Variants in PIK3C2G observed in about 807,000 individuals in gnomAD.
PIK3C2G encodes phosphatidylinositol-4-phosphate 3-kinase catalytic subunit type 2 gamma, also known as phosphatidylinositol 3-kinase C2 domain-containing subunit gamma.
PIK3C2G carries 168 observed loss-of-function variants against 181.1 expected under a neutral mutation model. That is an observed-to-expected ratio of 0.93 (90% CI 0.82 to 1.05). The LOEUF (loss-of-function observed/expected upper bound fraction) is 1.05. PIK3C2G is among the 50% of genes least tolerant of loss of function. PIK3C2G has a pLI of 0.00. For synonymous variants in PIK3C2G, 573 were observed against 592.2 expected (o/e 0.97, Z 0.47); for missense variants, 1,869 against 1,732.8 (o/e 1.08, Z -1.40).
At chr12:18,325,706 CAA>C (rs34711642) in intron 8 of PIK3C2G, among the ~76,000 whole-genome samples, 6 of 61,588 alleles carry the variant, frequency 9.7e-5, no homozygotes, top group Non-Finnish European at 1.8e-4. Context: ...GACTCAGTCT[CAA>C]AAAAAAAAAA....
intron 18 of PIK3C2G, 51 bp downstream of exon 18, chr12:18,424,090 T>A: frequency 9.8e-7 from 1 of 1,025,060 alleles, no homozygotes; most frequent in Non-Finnish European, 1.5e-6. Context: ...CCACCTTCTC[T>A]ATGGGGCAGC....
intron 5 of PIK3C2G, among the ~76,000 whole-genome samples, chr12:18,308,286 T>C (rs1950502202): frequency 1.3e-5 from 2 of 151,848 alleles, no homozygotes; most frequent in Admixed American, 1.3e-4. Context: ...TATTATATTA[T>C]GAAAATAATT....
chr12:18,451,854 T>C (rs527426942), intron 18 of PIK3C2G, among the ~76,000 whole-genome samples: 55 of 152,308 alleles, frequency 3.6e-4, no homozygotes, highest in African/African-American at 1.3e-3. Context: ...ATTGGCTCTG[T>C]TTATGTGATG....
At chr12:18,362,341 C>T (rs574095481) in intron 11 of PIK3C2G, among the ~76,000 whole-genome samples, 29 of 152,204 alleles carry the variant, frequency 1.9e-4, no homozygotes, top group Middle Eastern at 6.8e-3. Context: ...TGTACGTCCC[C>T]GTGTTCTCTT....
At chr12:18,638,849 G>T (rs1435208569) in intron 31 of PIK3C2G, among the ~76,000 whole-genome samples, 1 of 150,596 alleles carries the variant, frequency 6.6e-6, no homozygotes, top group Non-Finnish European at 1.5e-5. Flanking sequence ...CCACTAAGTT[G>T]CAGTATCTAG....
intron 21 of PIK3C2G, among the ~76,000 whole-genome samples, chr12:18,497,197 T>G (rs970072339): frequency 6.6e-6 from 1 of 152,208 alleles, no homozygotes; most frequent in Non-Finnish European, 1.5e-5. Flanking sequence ...GCTCTTGGTA[T>G]TCTAACTGCA....
chr12:18,250,520 T>G (rs1194138661), intron 1 of PIK3C2G, among the ~76,000 whole-genome samples: 1 of 152,082 alleles, frequency 6.6e-6, no homozygotes, highest in Non-Finnish European at 1.5e-5. Context: ...CGCTGTAGAA[T>G]AGTTAAAAAC....
At chr12:18,555,240 G>T (rs114872069) in intron 26 of PIK3C2G, among the ~76,000 whole-genome samples, 6,810 of 152,174 alleles carry the variant, frequency 0.045, 341 homozygotes, top group African/African-American at 0.13. Context: ...TAAGAACCTT[G>T]GTTCAACTGC....
intron 18 of PIK3C2G, among the ~76,000 whole-genome samples, chr12:18,472,712 T>G (rs540992915): frequency 1.3e-5 from 2 of 152,222 alleles, no homozygotes; most frequent in East Asian, 3.9e-4. Flanking sequence ...TTATTATTAT[T>G]ATTTGGAGAC....
intron 30 of PIK3C2G, among the ~76,000 whole-genome samples, chr12:18,604,739 G>A (rs1009823471): frequency 6.6e-6 from 1 of 152,030 alleles, no homozygotes; most frequent in African/African-American, 2.4e-5. Flanking sequence ...AACTCCAAAA[G>A]GAACCTTCAA....
rs199719083 is a variant in PIK3C2G at position 18,642,851 on chromosome 12, C to CAT, written c.4308+2307_4308+2308dup. ...AAAATGTAAATACATGTATATACTG[C>CAT]ATATATATATAGAGAGAGAGAGATT... On this transcript the variant is annotated intron_variant, in intron 32 of 32. Transcript: ENST00000538779. Among the ~76,000 whole-genome samples, 28 of 143,242 alleles carry CAT rather than the reference C, an allele frequency of 2.0e-4. 1 individual carries two copies. The highest frequency in any genetic ancestry group is 3.4e-4 in the African/African-American group (13 of 38,622). 94.0% of individuals were successfully genotyped at this position (143,242 alleles called of 152,430 possible). A position where few individuals can be genotyped will look rare whatever the true frequency, so the allele number is the denominator to read the frequency against.
chr12:18,722,397 T>C, the PIK3C2G span, among the ~76,000 whole-genome samples: 1 of 152,072 alleles, frequency 6.6e-6, no homozygotes, highest in Admixed American at 6.6e-5. Flanking sequence ...TTTGAATAAA[T>C]TATGAATGTA....
At chr12:18,289,316 A>T (rs1334401049) in intron 3 of PIK3C2G, among the ~76,000 whole-genome samples, 3 of 152,340 alleles carry the variant, frequency 2.0e-5, no homozygotes, top group African/African-American at 7.2e-5. Context: ...ATGCCATAAC[A>T]TATGAAAGAA....
intron 30 of PIK3C2G, among the ~76,000 whole-genome samples, chr12:18,597,153 A>ATCTACTC (rs1947409318): frequency 6.6e-6 from 1 of 152,106 alleles, no homozygotes; most frequent in Non-Finnish European, 1.5e-5. Context: ...CAATAAAAAA[A>ATCTACTC]TCTATATCTG....
chr12:18,641,965 G>T (rs555574299), intron 32 of PIK3C2G, among the ~76,000 whole-genome samples: 8 of 152,066 alleles, frequency 5.3e-5, no homozygotes, highest in Non-Finnish European at 1.2e-4. Flanking sequence ...GGTCAGGCTG[G>T]TCTCAAACTC....
intron 25 of PIK3C2G, among the ~76,000 whole-genome samples, chr12:18,542,587 G>A (rs116461913): frequency 0.013 from 1,938 of 151,800 alleles, 34 homozygotes; most frequent in African/African-American, 0.044. Context: ...AGATCCCAGT[G>A]CCTGTTGTTT....
chr12:18,645,290 AG>A (rs1950060279), intron 32 of PIK3C2G, among the ~76,000 whole-genome samples: 1 of 147,036 alleles, frequency 6.8e-6, no homozygotes, highest in African/African-American at 2.6e-5. Context: ...AGTTGAAAAG[AG>A]TACTTACTAT....
intron 24 of PIK3C2G, among the ~76,000 whole-genome samples, chr12:18,526,206 T>C (rs2136199159): frequency 6.6e-6 from 1 of 152,336 alleles, no homozygotes; most frequent in African/African-American, 2.4e-5. Flanking sequence ...TCTCCTTCAG[T>C]ACAATATTCA....
rs267603405 is a variant in PIK3C2G at position 18,640,549 on chromosome 12, G to A, written c.4303G>A (p.Glu1435Lys). The change falls in exon 32 of 33, where the codon GAA becomes AAA. Residue 1435 changes from glutamate (E) to lysine (K), a missense_variant. By Grantham distance (56) the Glu-to-Lys change is moderately conservative. Transcript: ENST00000538779. ...VPKCTDPTYNEIVVYDEVTEL... is the reference protein window; with the variant it reads ...VPKCTDPTYNKIVVYDEVTEL... The stretch of plus-strand genomic sequence containing the variant: ...AAAATGTACGGACCCCACTTACAAT[G>A]AAATTGTAAGTATAAGTCACCTTTT... The A allele has an allele frequency of 6.3e-7, 1 of 1,593,598 alleles. No individual in the cohort carries two copies. Among genetic ancestry groups the A allele is most frequent in the Non-Finnish European group, 8.6e-7 (1 of 1,168,256 alleles).
Sources: gnomAD v4.1 joint callset for allele counts (sites outside exome capture counted in the v4.1 genomes callset) on GRCh38, gnomAD v4.1.1 for gene constraint, MANE v1.5 for transcripts, NCBI Gene and HGNC (gene_info 2026-07-23, HGNC 2026-07-21) for gene names.